Variants in THSD4 observed in about 807,000 individuals in gnomAD.
The protein encoded by THSD4 is thrombospondin type-1 domain-containing protein 4.
A neutral mutation model predicts 119.0 loss-of-function variants in THSD4; 69 were observed. The observed-to-expected ratio is 0.58, with a 90% CI of 0.48 to 0.71. THSD4 has a LOEUF of 0.71. Ranked by LOEUF, THSD4 falls within the 30% of genes least tolerant of loss-of-function variation. The pLI, the probability that THSD4 is intolerant of heterozygous loss-of-function variation, is 0.00. For missense variants in THSD4, 1,393 were observed against 1,391.1 expected (o/e 1.00, Z -0.02); for synonymous variants, 524 against 540.4 (o/e 0.97, Z 0.42).
chr15:71,186,687 T>C (rs2043607834), intron 3 of THSD4: 1 of 152,246 alleles, frequency 6.6e-6, no homozygotes, highest in South Asian at 2.1e-4. Context: ...CCTGAAAGCA[T>C]GTCTGGTTCA....
intron 3 of THSD4, among the ~76,000 whole-genome samples, chr15:71,157,931 T>A (rs1224706966): frequency 1.3e-5 from 2 of 152,086 alleles, no homozygotes; most frequent in Non-Finnish European, 2.9e-5. Context: ...CTGTGAATAG[T>A]GCTGCAGTAA....
At chr15:71,208,449 A>G (rs773008334) in intron 3 of THSD4, among the ~76,000 whole-genome samples, 19 of 152,080 alleles carry the variant, frequency 1.2e-4, no homozygotes, top group South Asian at 4.2e-4. Context: ...GAAGGGGACT[A>G]CACTGCTTCT....
At chr15:71,475,873 G>A (rs978678702) in intron 7 of THSD4, among the ~76,000 whole-genome samples, 22 of 152,126 alleles carry the variant, frequency 1.4e-4, no homozygotes, top group African/African-American at 5.1e-4. Flanking sequence ...GTTTTAGTAA[G>A]CTAGGATCAT....
intron 7 of THSD4, among the ~76,000 whole-genome samples, chr15:71,657,299 A>G (rs2051210128): frequency 3.3e-5 from 5 of 152,078 alleles, no homozygotes; most frequent in Admixed American, 3.3e-4. Flanking sequence ...CGATCTTGTC[A>G]TGGCAGGTCC....
chr15:71,577,588 T>C (rs1222414518), intron 7 of THSD4, among the ~76,000 whole-genome samples: 1 of 152,194 alleles, frequency 6.6e-6, no homozygotes, highest in East Asian at 1.9e-4. Context: ...TATGAAATTA[T>C]GTCTCTTTGG....
chr15:71,636,435 A>C (rs747761998), intron 7 of THSD4, among the ~76,000 whole-genome samples: 3 of 152,136 alleles, frequency 2.0e-5, no homozygotes, highest in Non-Finnish European at 2.9e-5. Context: ...AAAAAAGAAA[A>C]AGGAAAAGAA....
At chr15:71,135,159 T>C (rs1475531894) in intron 1 of THSD4, among the ~76,000 whole-genome samples, 1 of 129,156 alleles carries the variant, frequency 7.7e-6, no homozygotes, top group African/African-American at 3.0e-5. Context: ...TAGGTGGGAA[T>C]TGAACAATGA....
At chr15:71,731,097 T>C in intron 9 of THSD4, 24 bp from the exon 10 acceptor site, 1 of 1,613,272 alleles carries the variant, frequency 6.2e-7, no homozygotes, top group Non-Finnish European at 8.5e-7. Context: ...CCAAGTGCGG[T>C]AACACTGATT....
At chr15:71,375,726 C>A (rs2046126485) in intron 6 of THSD4, among the ~76,000 whole-genome samples, 1 of 152,098 alleles carries the variant, frequency 6.6e-6, no homozygotes, top group Non-Finnish European at 1.5e-5. Context: ...TCTCAAAGTG[C>A]GGTCCCTGGA....
chr15:71,516,724 G>T (rs2048366567), intron 7 of THSD4, among the ~76,000 whole-genome samples: 1 of 152,080 alleles, frequency 6.6e-6, no homozygotes, highest in Non-Finnish European at 1.5e-5. Context: ...CTTGCTCTAA[G>T]AACTCTAGTA....
At chr15:71,193,684 T>C (rs1281341833) in intron 3 of THSD4, among the ~76,000 whole-genome samples, 1 of 151,076 alleles carries the variant, frequency 6.6e-6, no homozygotes, top group Non-Finnish European at 1.5e-5. Flanking sequence ...CGGTAGTGAA[T>C]AAGTCTCATG....
chr15:71,270,097 A>C (rs2044510970), intron 6 of THSD4, among the ~76,000 whole-genome samples: 1 of 152,132 alleles, frequency 6.6e-6, no homozygotes, highest in Non-Finnish European at 1.5e-5. Context: ...TTGGAAAAAA[A>C]CACTTTACAT....
chr15:71,224,981 G>GA (rs2044003573), intron 4 of THSD4, among the ~76,000 whole-genome samples: 1 of 152,150 alleles, frequency 6.6e-6, no homozygotes, highest in Admixed American at 6.5e-5. Context: ...CTTTGGAAGG[G>GA]AGGGGGGACA....
intron 8 of THSD4, among the ~76,000 whole-genome samples, chr15:71,670,430 A>C (rs912074728): frequency 5.3e-5 from 8 of 150,110 alleles, no homozygotes; most frequent in Non-Finnish European, 3.0e-5. Context: ...TTATGGCTGC[A>C]TAGTATTCCA....
At chr15:71,161,494 A>G (rs1302725415) in intron 3 of THSD4, among the ~76,000 whole-genome samples, 2 of 152,074 alleles carry the variant, frequency 1.3e-5, no homozygotes, top group Non-Finnish European at 2.9e-5. Context: ...CTCTTTCACT[A>G]TATAATGACC....
intron 6 of THSD4, among the ~76,000 whole-genome samples, chr15:71,333,941 G>A (rs1480419340): frequency 1.3e-5 from 2 of 151,928 alleles, no homozygotes; most frequent in Non-Finnish European, 2.9e-5. Context: ...TAACATTTTT[G>A]CCTGTTTCTT....
intron 3 of THSD4, among the ~76,000 whole-genome samples, chr15:71,182,613 A>T (rs1226444669): frequency 6.6e-6 from 1 of 151,834 alleles, no homozygotes; most frequent in African/African-American, 2.4e-5. Flanking sequence ...TCCAGGCCAC[A>T]TTACAGTTAA....
In THSD4 at chr15:71,748,244, C is replaced by T. The variant is rs544208581; in HGVS notation, c.2242-177C>T. 5.3e-5 allele frequency among the ~76,000 whole-genome samples: 8 copies of T among 152,230 alleles called. No individual in the cohort carries two copies. The South Asian group carries it at 1.7e-3, about 32-fold the overall frequency. On this transcript the variant is annotated intron_variant, in intron 13 of 17. Coordinates refer to ENST00000261862, the MANE Select transcript of THSD4 (RefSeq NM_024817.3). Reference sequence around the variant, plus strand: ...CAGTAGGCGAGGCATCTAAGAAGGTCTTGTAGAAAAGGGTTGTGGAGTTTT... The same window carrying T: ...CAGTAGGCGAGGCATCTAAGAAGGTTTTGTAGAAAAGGGTTGTGGAGTTTT...
In THSD4 at chr15:71,777,943, T is replaced by C. The variant is rs2053943615; in HGVS notation, c.*569T>C. The C allele has an allele frequency of 6.4e-6, 1 of 155,134 alleles. No individual in the cohort carries two copies. The highest frequency in any genetic ancestry group is 2.4e-5 in the African/African-American group (1 of 41,536). The allele number at this position is 155,134 out of a possible 1,614,324, so 9.6% of individuals were successfully genotyped here. On this transcript the variant is annotated 3_prime_UTR_variant, in exon 18 of 18. Coordinates refer to ENST00000261862, the MANE Select transcript of THSD4 (RefSeq NM_024817.3). ...AGCTCACATGAATATTGTGCTTTAT[T>C]TAGCAGGTGTACTCACAGATACTAG...
Sources: gnomAD v4.1 joint callset for allele counts (sites outside exome capture counted in the v4.1 genomes callset) on GRCh38, gnomAD v4.1.1 for gene constraint, MANE v1.5 for transcripts, NCBI Gene and HGNC (gene_info 2026-07-23, HGNC 2026-07-21) for gene names.